Variants in FEZ2 observed in about 807,000 individuals in gnomAD.
The protein encoded by FEZ2 is fasciculation and elongation protein zeta 2.
FEZ2 carries 51 observed loss-of-function variants against 40.4 expected under a neutral mutation model. The ratio of observed to expected loss-of-function variants is 1.26; its 90% CI spans 1.01 to 1.59. FEZ2 has a LOEUF of 1.59. Ranked by LOEUF, FEZ2 falls within the 40% of genes most tolerant of loss-of-function variation. The pLI is 0.00. For missense variants in FEZ2, 640 were observed against 438.3 expected, an observed-to-expected ratio of 1.46 and a Z score of -4.11; for synonymous variants, 242 against 172.0, an observed-to-expected ratio of 1.41 and a Z score of -3.18.
chr2:36,586,027 ATTTACTT>A (rs1668889446), intron 2 of FEZ2, among the ~76,000 whole-genome samples: 1 of 152,186 alleles, frequency 6.6e-6, no homozygotes, highest in African/African-American at 2.4e-5. Context: ...TATAGTTCTA[ATTTACTT>A]TTTAAACTAT....
At chr2:36,594,735 C>A (rs1432243600) in intron 1 of FEZ2, among the ~76,000 whole-genome samples, 2 of 152,214 alleles carry the variant, frequency 1.3e-5, no homozygotes, top group South Asian at 2.1e-4. Flanking sequence ...GCAGGATACA[C>A]TAGCAGGTGA....
At chr2:36,553,841 C>A (rs934238559) in intron 7 of FEZ2, among the ~76,000 whole-genome samples, 2 of 152,164 alleles carry the variant, frequency 1.3e-5, no homozygotes, top group African/African-American at 2.4e-5. Flanking sequence ...GGAGTATTCT[C>A]CCCTTGAGCA....
At chr2:36,581,653 G>C (rs1032996197) in intron 3 of FEZ2, 25 of 478,350 alleles carry the variant, frequency 5.2e-5, no homozygotes, top group African/African-American at 4.7e-4. Flanking sequence ...AACCTAAATA[G>C]AATTGGATTT....
chr2:36,565,009 A>C, intron 5 of FEZ2, among the ~76,000 whole-genome samples: 1 of 152,224 alleles, frequency 6.6e-6, no homozygotes, highest in East Asian at 1.9e-4. Context: ...AGCTAGAAGC[A>C]GGTACTGCTG....
At chr2:36,575,011 C>T (rs1254840493) in intron 5 of FEZ2, among the ~76,000 whole-genome samples, 3 of 152,216 alleles carry the variant, frequency 2.0e-5, no homozygotes, top group Non-Finnish European at 2.9e-5. Context: ...TCCAAAACAG[C>T]TTCCCAACAG....
At chr2:36,563,050 G>A (rs1388781321) in intron 5 of FEZ2, among the ~76,000 whole-genome samples, 1 of 152,166 alleles carries the variant, frequency 6.6e-6, no homozygotes, top group Non-Finnish European at 1.5e-5. Flanking sequence ...TTCGCAATCA[G>A]AAAGCCAATT....
At chr2:36,563,814 C>T (rs1668158235) in intron 5 of FEZ2, among the ~76,000 whole-genome samples, 1 of 152,222 alleles carries the variant, frequency 6.6e-6, no homozygotes. Flanking sequence ...GGAATCCCTC[C>T]TCCCTGAACC....
At chr2:36,591,656 A>G (rs943818970) in intron 1 of FEZ2, 5 of 152,426 alleles carry the variant, frequency 3.3e-5, no homozygotes, top group Admixed American at 2.6e-4. Context: ...AGTTCACAAT[A>G]AAACACACCC....
At chr2:36,583,325 CT>C (rs756170460) in intron 3 of FEZ2, 27 bp downstream of exon 3, 30,360 of 1,195,938 alleles carry the variant, frequency 0.025, 727 homozygotes, top group South Asian at 0.092. Flanking sequence ...GTCTCCTTTC[CT>C]TGCGTTGCTG....
chr2:36,571,773 G>A (rs1371194872), intron 5 of FEZ2, among the ~76,000 whole-genome samples: 1 of 151,746 alleles, frequency 6.6e-6, no homozygotes, highest in Non-Finnish European at 1.5e-5. Flanking sequence ...TGGGAGTCCA[G>A]GGCAGGTGGA....
chr2:36,570,739 A>G (rs143737452), intron 5 of FEZ2, among the ~76,000 whole-genome samples: 21 of 152,362 alleles, frequency 1.4e-4, no homozygotes, highest in African/African-American at 5.0e-4. Context: ...TGAATAATGT[A>G]GACAACAGTA....
chr2:36,597,061 G>A (rs17019171), intron 1 of FEZ2, among the ~76,000 whole-genome samples: 1 of 151,712 alleles, frequency 6.6e-6, no homozygotes, highest in African/African-American at 2.4e-5. Flanking sequence ...GTATGCCTTG[G>A]TCTCCCCACC....
At chr2:36,585,510 G>A (rs1057050107) in intron 2 of FEZ2, among the ~76,000 whole-genome samples, 1 of 152,054 alleles carries the variant, frequency 6.6e-6, no homozygotes, top group African/African-American at 2.4e-5. Flanking sequence ...GAGGTGGGTG[G>A]GGAGGGAGAG....
chr2:36,594,506 A>G (rs576481438), intron 1 of FEZ2: 17 of 194,122 alleles, frequency 8.8e-5, no homozygotes, highest in African/African-American at 3.8e-4. Flanking sequence ...GGAAGGAGCA[A>G]AAGCGGAAAC....
At chr2:36,567,277 A>G (rs79976128) in intron 5 of FEZ2, among the ~76,000 whole-genome samples, 1 of 152,096 alleles carries the variant, frequency 6.6e-6, no homozygotes, top group East Asian at 1.9e-4. Context: ...AAAAAAAAAA[A>G]GCCCAAAATA....
At chr2:36,574,029 T>C (rs1558449436) in intron 5 of FEZ2, among the ~76,000 whole-genome samples, 1 of 152,242 alleles carries the variant, frequency 6.6e-6, no homozygotes, top group Admixed American at 6.5e-5. Context: ...AAGAAAATAA[T>C]TCAATTTTAG....
Position 36,555,853 on chromosome 2 carries a change from T to A in FEZ2, c.980-105A>T, listed in dbSNP as rs117110506. Reference sequence around the variant, plus strand: ...CTTAATCTTCCTTAATTATAGGATATAACTGACTCATACAAATTATAGGTG... The same window carrying A: ...CTTAATCTTCCTTAATTATAGGATAAAACTGACTCATACAAATTATAGGTG... On this transcript the variant is annotated intron_variant, in intron 6 of 7. Coordinates refer to ENST00000405912, the MANE Select transcript of FEZ2 (RefSeq NM_005102.3). 1,621 of 697,016 alleles carry A rather than the reference T, an allele frequency of 2.3e-3. 31 individuals carry two copies. In the East Asian group the frequency reaches 0.041, roughly 18 times the overall value. 43.2% of individuals were successfully genotyped at this position (697,016 alleles called of 1,614,324 possible).
At chr2:36,596,446 A>T (rs1669224621) in intron 1 of FEZ2, among the ~76,000 whole-genome samples, 1 of 152,126 alleles carries the variant, frequency 6.6e-6, no homozygotes, top group Admixed American at 6.5e-5. Flanking sequence ...ATGCTCTGAA[A>T]ATCCATTCCT....
intron 5 of FEZ2, among the ~76,000 whole-genome samples, chr2:36,574,358 T>C (rs568956902): frequency 6.6e-6 from 1 of 152,316 alleles, no homozygotes; most frequent in Non-Finnish European, 1.5e-5. Context: ...TGCAAGTTTA[T>C]CTTTCGTTCA....
Sources: gnomAD v4.1 joint callset for allele counts (sites outside exome capture counted in the v4.1 genomes callset) on GRCh38, gnomAD v4.1.1 for gene constraint, MANE v1.5 for transcripts, NCBI Gene and HGNC (gene_info 2026-07-23, HGNC 2026-07-21) for gene names.